ZNF282: variants seen among roughly 807,000 people sequenced by gnomAD.
ZNF282 encodes the protein HTLV-I U5 repressive element-binding protein 1.
In ZNF282, 30 loss-of-function variants were observed where a neutral mutation model predicts 61.9. The ratio of observed to expected loss-of-function variants is 0.48; its 90% CI spans 0.36 to 0.66. ZNF282 has a LOEUF of 0.66. Among genes scored for constraint, ZNF282 ranks in the 30% least tolerant of loss-of-function variants. ZNF282 has a pLI of 0.00. For synonymous variants in ZNF282, 396 were observed against 405.0 expected (o/e 0.98, Z 0.27); for missense variants, 788 against 941.4 (o/e 0.84, Z 2.13).
In ZNF282 at chr7:149,198,826, G is replaced by T. The variant is rs913149718; in HGVS notation, c.585+74G>T. 1 of 1,513,612 alleles carries T rather than the reference G, an allele frequency of 6.6e-7. No individual in the cohort carries two copies. The highest frequency in any genetic ancestry group is 8.8e-7 in the Non-Finnish European group (1 of 1,135,472). The allele number at this position is 1,513,612 out of a possible 1,614,324, so 93.8% of individuals were successfully genotyped here. ...TGCATAAAATTCTTGATTTCATTTT[G>T]TCAGCCCTTCTCATAAACTTCTCTG... On this transcript the variant is annotated intron_variant, in intron 2 of 7. Coordinates refer to ENST00000610704, the MANE Select transcript of ZNF282 (RefSeq NM_003575.4). The surrounding 1 kb of genome is among the most constrained non-coding windows in gnomAD (Gnocchi z 4.3).
chr7:149,223,761 G>A, intron 7 of ZNF282, 51 bp from the exon 8 acceptor site: 1 of 1,436,590 alleles, frequency 7.0e-7, no homozygotes, highest in African/African-American at 1.5e-5. Flanking sequence ...AGCAGTGTGG[G>A]GTCCTGGCCG....
chr7:149,218,771 G>A (rs948683198), intron 7 of ZNF282, among the ~76,000 whole-genome samples: 3 of 151,566 alleles, frequency 2.0e-5, no homozygotes, highest in East Asian at 1.9e-4. Context: ...CCATCACCCC[G>A]TCATAATTTG....
intron 7 of ZNF282, among the ~76,000 whole-genome samples, chr7:149,217,121 T>C (rs140016525): frequency 1.7e-3 from 253 of 152,302 alleles, no homozygotes; most frequent in Non-Finnish European, 1.2e-3. Context: ...CTCTTGAAAT[T>C]CCCACATTAT....
chr7:149,206,931 A>G, intron 3 of ZNF282, 109 bp downstream of exon 3: 10 of 1,440,600 alleles, frequency 6.9e-6, no homozygotes, highest in Non-Finnish European at 9.4e-6. Context: ...ATTTTTATGT[A>G]ATGGAAACTC....
chr7:149,213,403 C>G (rs1796115447), intron 6 of ZNF282, among the ~76,000 whole-genome samples: 1 of 152,182 alleles, frequency 6.6e-6, no homozygotes, highest in Non-Finnish European at 1.5e-5. Context: ...TGTCCTGGCC[C>G]CATGGGTTCC....
In ZNF282 at chr7:149,213,769, C is replaced by T. The variant is rs993987977; in HGVS notation, c.1135C>T (p.Pro379Ser). The change falls in exon 7 of 8, where the codon CCA (proline) becomes TCA (serine). Residue 379 changes from proline to serine, a missense_variant. Around this residue, in one of 3 missense-constraint regions of ZNF282, gnomAD observed 559 missense variants for 642.0 expected, o/e 0.87. Transcript: ENST00000610704. ...KQEEQPYPWG[P>S]RDSMDGELGL... ...GGAGGAGCAGCCATACCCATGGGGA[C>T]CACGCGACTCAATGGACGGAGAGCT... 6.2e-7 allele frequency: 1 copy of T among 1,613,974 alleles called. No individual in the cohort carries two copies. Among genetic ancestry groups the T allele is most frequent in the Non-Finnish European group, 8.5e-7 (1 of 1,179,990 alleles).
At chr7:149,217,242 A>C (rs998607822) in intron 7 of ZNF282, among the ~76,000 whole-genome samples, 2 of 152,200 alleles carry the variant, frequency 1.3e-5, no homozygotes, top group Non-Finnish European at 2.9e-5. Context: ...AGCACTTAGA[A>C]TAAGCAGTGA....
chr7:149,213,661 C>G, intron 6 of ZNF282, 40 bp from the exon 7 acceptor site: 1 of 1,526,472 alleles, frequency 6.6e-7, no homozygotes, highest in Non-Finnish European at 9.0e-7. Flanking sequence ...CCGAGTAGAA[C>G]TGAACAAAAT....
intron 5 of ZNF282, among the ~76,000 whole-genome samples, chr7:149,211,512 TGA>T (rs1179167479): frequency 6.6e-6 from 1 of 152,180 alleles, no homozygotes; most frequent in African/African-American, 2.4e-5. Context: ...TCAAGTCTAC[TGA>T]CTTACATGTT....
chr7:149,208,449 C>G (rs1181447930), intron 4 of ZNF282, among the ~76,000 whole-genome samples: 1 of 151,856 alleles, frequency 6.6e-6, no homozygotes, highest in African/African-American at 2.4e-5. Flanking sequence ...GTGATCCACC[C>G]GCCTCGGCCT....
chr7:149,197,474 GTTTA>G (rs1443522499), intron 1 of ZNF282, among the ~76,000 whole-genome samples: 1 of 152,114 alleles, frequency 6.6e-6, no homozygotes, highest in Non-Finnish European at 1.5e-5. Context: ...TTTTTTTGTT[GTTTA>G]TTTGTTTGTT....
At position 149,212,255 on chromosome 7, in the gene ZNF282, G is replaced by A. The variant is rs934960988; in HGVS notation, c.953-103G>A. The A allele has an allele frequency of 5.4e-6, 4 of 741,834 alleles. No individual in the cohort carries two copies. The Admixed American group carries it at 8.8e-5, about 16-fold the overall frequency. The allele number at this position is 741,834 out of a possible 1,614,324, so 46.0% of individuals were successfully genotyped here. ...TTATGTAATTGTACCTGATGTTTAG[G>A]GGAAAGAGATAATTGCATGAAATCA... On this transcript the variant is annotated intron_variant, in intron 5 of 7. Coordinates refer to ENST00000610704, the MANE Select transcript of ZNF282 (RefSeq NM_003575.4).
chr7:149,208,452 C>T (rs2693315), intron 4 of ZNF282, among the ~76,000 whole-genome samples: 124,755 of 151,510 alleles, frequency 0.82, 52,256 homozygotes, highest in East Asian at 0.96. Context: ...ATCCACCCGC[C>T]TCGGCCTCCC....
intron 4 of ZNF282, 85 bp from the exon 5 acceptor site, chr7:149,210,499 AG>A: frequency 6.4e-7 from 1 of 1,569,186 alleles, no homozygotes; most frequent in South Asian, 1.2e-5. Context: ...AAAGACACAA[AG>A]CAATGTCATT....
At chr7:149,208,569 G>T (rs1796033393) in intron 4 of ZNF282, among the ~76,000 whole-genome samples, 1 of 151,934 alleles carries the variant, frequency 6.6e-6, no homozygotes, top group South Asian at 2.1e-4. Context: ...AGCTCTCAAG[G>T]CCACACTCTC....
At chr7:149,200,461 T>C (rs1167038607) in intron 2 of ZNF282, among the ~76,000 whole-genome samples, 1 of 152,196 alleles carries the variant, frequency 6.6e-6, no homozygotes, top group African/African-American at 2.4e-5. Flanking sequence ...CTGTGTCTCA[T>C]TGTTTGCCAA....
chr7:149,223,747 C>A, intron 7 of ZNF282, 65 bp from the exon 8 acceptor site: 1 of 1,392,484 alleles, frequency 7.2e-7, no homozygotes. Context: ...GGCCCCCCTT[C>A]GGGAGCAGTG....
chr7:149,212,261 G>C, intron 5 of ZNF282, 97 bp from the exon 6 acceptor site: 1 of 777,804 alleles, frequency 1.3e-6, no homozygotes, highest in Admixed American at 2.9e-5. Flanking sequence ...TTAGGGGAAA[G>C]AGATAATTGC....
Position 149,224,368 on chromosome 7 carries a change from C to T in ZNF282, c.1737C>T (p.Cys579=). The T allele has an allele frequency of 1.2e-6, 2 of 1,613,906 alleles. No homozygotes were observed. The highest frequency in any genetic ancestry group is 1.1e-5 in the South Asian group (1 of 91,076). Reference sequence around the variant, plus strand: ...AGCGGCCCTACAAGTGCTCGGAGTGCGAGAAGACCTACAGCCGTAAGGAGC... The same window carrying T: ...AGCGGCCCTACAAGTGCTCGGAGTGTGAGAAGACCTACAGCCGTAAGGAGC... The part of the protein sequence containing the change: ...RGERPYKCSE[C]EKTYSRKEHL... Residue 579 remains cysteine, a synonymous_variant, in exon 8 of 8, where the codon TGC becomes TGT. Coordinates refer to ENST00000610704, the MANE Select transcript of ZNF282 (RefSeq NM_003575.4).
Sources: allele counts gnomAD v4.1 joint callset (sites outside exome capture counted in the v4.1 genomes callset), GRCh38; gene constraint gnomAD v4.1.1; regional missense constraint gnomAD v4.1.1; non-coding constraint Gnocchi (gnomAD v3.1); transcripts MANE v1.5; gene names NCBI Gene and HGNC (gene_info 2026-07-23, HGNC 2026-07-21).